Variants in MACROD2 observed in about 807,000 individuals in gnomAD.
MACROD2 encodes mono-ADP ribosylhydrolase 2, also known as ADP-ribose glycohydrolase MACROD2.
Under a neutral mutation model 70.4 loss-of-function variants are expected in MACROD2, and 36 were observed. The ratio of observed to expected loss-of-function variants is 0.51; its 90% CI spans 0.39 to 0.68. MACROD2 has a LOEUF of 0.68. Among genes scored for constraint, MACROD2 ranks in the 30% least tolerant of loss-of-function variants. MACROD2 has a pLI of 0.00. For missense variants in MACROD2, 496 were observed against 538.4 expected, an observed-to-expected ratio of 0.92 and a Z score of 0.78; for synonymous variants, 172 against 178.8, an observed-to-expected ratio of 0.96 and a Z score of 0.30.
In MACROD2 at chr20:15,922,212, C is replaced by T. The variant is rs529559195; in HGVS notation, c.776-11064C>T. ...ATCTGTCCCACTGGACTCAGCTCCA[C>T]AGCTCTTTTCCCCACTAGTTATCTC... On this transcript the variant is annotated intron_variant, in intron 10 of 17. Transcript: ENST00000684519. 3.2e-3 allele frequency among the ~76,000 whole-genome samples: 480 copies of T among 152,348 alleles called. 4 individuals carry two copies. The highest frequency in any genetic ancestry group is 0.011 in the African/African-American group (452 of 41,588).
intron 5 of MACROD2, among the ~76,000 whole-genome samples, chr20:14,969,401 CATAT>C (rs1555857964): frequency 1.5e-5 from 2 of 135,754 alleles, no homozygotes; most frequent in African/African-American, 5.7e-5. Context: ...CACACACACA[CATAT>C]ATAAGCATTT....
chr20:14,536,868 C>T (rs913699875), intron 4 of MACROD2, among the ~76,000 whole-genome samples: 6 of 152,114 alleles, frequency 3.9e-5, no homozygotes, highest in Non-Finnish European at 8.8e-5. Context: ...GGCTTCATGC[C>T]AGTGCCTGTC....
intron 7 of MACROD2, among the ~76,000 whole-genome samples, chr20:15,437,916 G>T (rs1244192784): frequency 6.6e-6 from 1 of 151,966 alleles, no homozygotes; most frequent in African/African-American, 2.4e-5. Context: ...GGGCATTTAG[G>T]TTGATTTCAT....
At chr20:14,103,902 G>C (rs2054332654) in intron 3 of MACROD2, among the ~76,000 whole-genome samples, 1 of 152,066 alleles carries the variant, frequency 6.6e-6, no homozygotes, top group South Asian at 2.1e-4. Flanking sequence ...GCACATAAAT[G>C]TTTGTAGAAA....
intron 3 of MACROD2, among the ~76,000 whole-genome samples, chr20:14,391,787 A>G (rs2083529256): frequency 6.9e-6 from 1 of 145,852 alleles, no homozygotes; most frequent in Admixed American, 7.0e-5. Flanking sequence ...ATGGACATAA[A>G]GATGGCAACA....
intron 3 of MACROD2, among the ~76,000 whole-genome samples, chr20:14,151,432 A>G (rs17263556): frequency 0.21 from 31,796 of 152,102 alleles, 3,477 homozygotes; most frequent in Admixed American, 0.25. Context: ...TAATAAAAAT[A>G]GAAACCTGTG....
At chr20:14,873,312 T>A (rs944449886) in intron 5 of MACROD2, among the ~76,000 whole-genome samples, 1 of 152,160 alleles carries the variant, frequency 6.6e-6, no homozygotes, top group Non-Finnish European at 1.5e-5. Flanking sequence ...CATTTTCTTT[T>A]ATTAGGTTTC....
intron 3 of MACROD2, among the ~76,000 whole-genome samples, chr20:14,472,036 C>T (rs1347111632): frequency 6.6e-6 from 1 of 152,066 alleles, no homozygotes; most frequent in Non-Finnish European, 1.5e-5. Context: ...AAAGTATTTC[C>T]TTAAGAACCA....
intron 8 of MACROD2, among the ~76,000 whole-genome samples, chr20:15,525,583 A>T (rs955599145): frequency 6.6e-6 from 1 of 152,222 alleles, no homozygotes; most frequent in East Asian, 1.9e-4. Context: ...CAGAGCTATC[A>T]ACATGAATAA....
Position 16,050,319 on chromosome 20 carries a change from G to C in MACROD2, c.*443G>C, listed in dbSNP as rs78664848. 9.1e-3 allele frequency: 1,425 copies of C among 156,704 alleles called. 20 individuals carry two copies. Among genetic ancestry groups the C allele is most frequent in the African/African-American group, 0.033 (1,363 of 41,598 alleles). The allele number at this position is 156,704 out of a possible 1,614,324, so 9.7% of individuals were successfully genotyped here. ...CAGGATAAATTTTAGGAATCAATGA[G>C]CCCAGCAGCAGTATAATCCCCAGAC... On this transcript the variant is annotated 3_prime_UTR_variant, in exon 18 of 18. Coordinates refer to ENST00000684519, the MANE Select transcript of MACROD2 (RefSeq NM_001351661.2).
intron 11 of MACROD2, 121 bp downstream of exon 11, chr20:15,933,459 AT>A: frequency 6.9e-6 from 6 of 867,492 alleles, no homozygotes; most frequent in Non-Finnish European, 1.1e-5. Context: ...TCCAGTGTTC[AT>A]TCAGGGTCTC....
At chr20:15,922,611 C>CA (rs1174589962) in intron 10 of MACROD2, among the ~76,000 whole-genome samples, 2 of 152,182 alleles carry the variant, frequency 1.3e-5, no homozygotes, top group African/African-American at 4.8e-5. Flanking sequence ...TACTCAGTGA[C>CA]AAAAGTCTCC....
At chr20:14,343,371 T>G (rs1292286574) in intron 3 of MACROD2, among the ~76,000 whole-genome samples, 1 of 152,196 alleles carries the variant, frequency 6.6e-6, no homozygotes, top group Non-Finnish European at 1.5e-5. Context: ...TGAGCCTTAG[T>G]TCCTTTATTT....
intron 3 of MACROD2, among the ~76,000 whole-genome samples, chr20:14,230,043 ATACT>A (rs1205703989): frequency 3.3e-5 from 5 of 152,196 alleles, no homozygotes; most frequent in African/African-American, 7.2e-5. Flanking sequence ...TAATTTAAAA[ATACT>A]TAATTGCTAA....
chr20:15,545,011 A>G (rs1029011493), intron 8 of MACROD2, among the ~76,000 whole-genome samples: 5 of 152,180 alleles, frequency 3.3e-5, no homozygotes, highest in African/African-American at 9.7e-5. Context: ...TTCCTGCTAA[A>G]TGTTTTCATT....
intron 3 of MACROD2, among the ~76,000 whole-genome samples, chr20:14,341,174 G>C (rs1478868136): frequency 6.6e-6 from 1 of 152,108 alleles, no homozygotes; most frequent in African/African-American, 2.4e-5. Flanking sequence ...TTGACTCCCT[G>C]TGTAAAAGAA....
At chr20:14,120,149 G>A (rs888499115) in intron 3 of MACROD2, among the ~76,000 whole-genome samples, 2 of 135,612 alleles carry the variant, frequency 1.5e-5, no homozygotes, top group Non-Finnish European at 3.1e-5. Context: ...GGAGGCAAAG[G>A]TTGCAGTGAG....
chr20:15,282,234 C>T (rs1057097837), intron 6 of MACROD2, among the ~76,000 whole-genome samples: 3 of 152,340 alleles, frequency 2.0e-5, no homozygotes, highest in Admixed American at 1.3e-4. Flanking sequence ...GTTCTGGAGA[C>T]GTTTTCCCCA....
chr20:14,253,651 CA>C (rs1456039173), intron 3 of MACROD2, among the ~76,000 whole-genome samples: 3 of 152,004 alleles, frequency 2.0e-5, no homozygotes, highest in Non-Finnish European at 2.9e-5. Flanking sequence ...AAATCAAGTA[CA>C]ATGCTTTTGA....
Sources: allele counts gnomAD v4.1 joint callset (sites outside exome capture counted in the v4.1 genomes callset), GRCh38; gene constraint gnomAD v4.1.1; transcripts MANE v1.5; gene names NCBI Gene and HGNC (gene_info 2026-07-23, HGNC 2026-07-21).